Variants in ADGRD2 observed in about 807,000 individuals in gnomAD.
ADGRD2 encodes the protein G protein-coupled receptor PGR24.
Under a neutral mutation model 44.4 loss-of-function variants are expected in ADGRD2, and 71 were observed. The observed-to-expected ratio is 1.60, with a 90% CI of 1.32 to 1.95. ADGRD2 has a LOEUF of 1.95. ADGRD2 is among the 30% of genes most tolerant of loss of function. The probability of loss-of-function intolerance (pLI) is 0.00; values close to 1 mark genes in which losing one functional copy is unlikely to be tolerated. For synonymous variants in ADGRD2, 481 were observed against 224.8 expected, an observed-to-expected ratio of 2.14 and a Z score of -10.19; for missense variants, 1,039 against 512.4, an observed-to-expected ratio of 2.03 and a Z score of -9.92.
Position 124,468,685 on chromosome 9 carries a change from C to G in ADGRD2, c.2387+13C>G. ...GCCACAGGCTGGGGTGAGGCCTGCT[C>G]TGCACCCACACTCTCTTCTCCTCAG... is the stretch of plus-strand genomic sequence containing the variant. On this transcript the variant is annotated intron_variant, in intron 14 of 21. Coordinates refer to ENST00000334810, the Ensembl canonical transcript of ADGRD2. 1.4e-6 allele frequency: 1 copy of G among 709,168 alleles called. No individual in the cohort carries two copies. The allele number at this position is 709,168 out of a possible 1,614,324, so 43.9% of individuals were successfully genotyped here.
chr9:124,454,818 G>C lies in ADGRD2; in HGVS notation c.1109-25G>C. On this transcript the variant is annotated intron_variant, in intron 5 of 21. Transcript: ENST00000334810. This position sits in a 1 kb window ranked among gnomAD's most constrained non-coding sequence, Gnocchi z 4.5. Reference sequence around the variant, plus strand: ...GATCCCCTCATAACAACCAGACCCAGAGTCAGTGGCTCCTCTGTCCACAGC... The same window carrying C: ...GATCCCCTCATAACAACCAGACCCACAGTCAGTGGCTCCTCTGTCCACAGC... 3.0e-6 allele frequency: 2 copies of C among 670,036 alleles called. No individual in the cohort carries two copies. Among genetic ancestry groups the C allele is most frequent in the Non-Finnish European group, 5.5e-6 (2 of 363,900 alleles). 41.5% of individuals were successfully genotyped at this position (670,036 alleles called of 1,614,324 possible). A position where few individuals can be genotyped will look rare whatever the true frequency, so the allele number is the denominator to read the frequency against.
chr9:124,475,280 G>GC (rs1301977062), intron 17 of ADGRD2, among the ~76,000 whole-genome samples, 166 bp from the exon 21 acceptor site: 1 of 152,220 alleles, frequency 6.6e-6, no homozygotes, highest in Non-Finnish European at 1.5e-5. Context: ...CTACTCCTCC[G>GC]CAGGCGGGCA....
At chr9:124,467,674 G>T (rs1420280637) in intron 11 of ADGRD2, 47 bp from the exon 15 acceptor site, 2 of 715,618 alleles carry the variant, frequency 2.8e-6, no homozygotes. Flanking sequence ...TCTGGCCTGG[G>T]TTGGGTCTGG....
intron 17 of ADGRD2, among the ~76,000 whole-genome samples, chr9:124,471,543 A>C (rs2131256812): frequency 6.6e-6 from 1 of 152,284 alleles, no homozygotes; most frequent in South Asian, 2.1e-4. Flanking sequence ...GTATCTCCCA[A>C]TAAGCCTTGT....
At chr9:124,468,872 T>C (rs1390409852) in intron 14 of ADGRD2, among the ~76,000 whole-genome samples, 200 bp downstream of exon 17, 1 of 151,654 alleles carries the variant, frequency 6.6e-6, no homozygotes, top group Non-Finnish European at 1.5e-5. Flanking sequence ...TCTATTAACC[T>C]CCAATTTACC....
At chr9:124,457,330 C>G (rs1588601346) in intron 7 of ADGRD2, 142 bp from the exon 11 acceptor site, 1 of 436,310 alleles carries the variant, frequency 2.3e-6, no homozygotes, top group East Asian at 3.3e-5. Flanking sequence ...TTGCCTTGGG[C>G]AAGTTGCTGA....
At chr9:124,467,499 C>T (rs1055322120) in intron 11 of ADGRD2, among the ~76,000 whole-genome samples, 1 of 152,146 alleles carries the variant, frequency 6.6e-6, no homozygotes, top group Non-Finnish European at 1.5e-5. Flanking sequence ...TGGTAGAATC[C>T]GGGCCAGTTG....
chr9:124,462,830 G>C (rs1588604100), intron 10 of ADGRD2, among the ~76,000 whole-genome samples: 1 of 152,002 alleles, frequency 6.6e-6, no homozygotes, highest in Non-Finnish European at 1.5e-5. Context: ...TGCTCATGTT[G>C]TCTGCCAATA....
chr9:124,467,340 CAAAAAAAAAAAAAAAA>C (rs59651695), intron 11 of ADGRD2: 3 of 104,800 alleles, frequency 2.9e-5, no homozygotes, highest in African/African-American at 1.1e-4. Context: ...CTTGAAGCAA[CAAAAAAAAAAAAAAAA>C]AAAAAAAAGT....
intron 10 of ADGRD2, among the ~76,000 whole-genome samples, chr9:124,459,267 G>T (rs1293918806): frequency 6.6e-6 from 1 of 152,142 alleles, no homozygotes; most frequent in African/African-American, 2.4e-5. Context: ...CGAGGCGGGC[G>T]GATCACTTGA....
chr9:124,467,256 C>G (rs1389532928), intron 11 of ADGRD2: 1 of 154,766 alleles, frequency 6.5e-6, no homozygotes, highest in Non-Finnish European at 1.4e-5. Flanking sequence ...TCACTTGAAC[C>G]CAGGAGGCGG....
chr9:124,452,956 C>T (rs1831519280), intron 2 of ADGRD2, 79 bp from the exon 6 acceptor site: 1 of 605,768 alleles, frequency 1.7e-6, no homozygotes, highest in Admixed American at 2.9e-5. Flanking sequence ...GGAAGGACCC[C>T]ACCGCTGAGC....
At chr9:124,470,598 G>T (rs1173231301) in exon 17 of ADGRD2, 11 of 707,276 alleles carry the variant, frequency 1.6e-5, no homozygotes, top group South Asian at 1.5e-4. Flanking sequence ...GCTGCCGTGG[G>T]CCTCAACTCC....
Position 124,468,681 on chromosome 9 carries a change from TGC to T in ADGRD2, c.2387+10_2387+11del. Reference sequence around the variant, plus strand: ...CCACGCCACAGGCTGGGGTGAGGCCTGCTCTGCACCCACACTCTCTTCTCCTC... The same window carrying T: ...CCACGCCACAGGCTGGGGTGAGGCCTTCTGCACCCACACTCTCTTCTCCTC... On this transcript the variant is annotated intron_variant, in intron 14 of 21. Transcript: ENST00000334810. 1 of 710,972 alleles carries T rather than the reference TGC, an allele frequency of 1.4e-6. No individual in the cohort carries two copies. The allele number at this position is 710,972 out of a possible 1,614,324, so 44.0% of individuals were successfully genotyped here.
intron 13 of ADGRD2, 147 bp downstream of exon 16, chr9:124,468,337 G>T (rs188199924): frequency 1.6e-5 from 11 of 674,146 alleles, no homozygotes; most frequent in East Asian, 1.3e-4. Flanking sequence ...GCAGGGCCCC[G>T]GGAGGAAAGG....
At chr9:124,473,317 G>T (rs1164947639) in intron 17 of ADGRD2, among the ~76,000 whole-genome samples, 1 of 152,206 alleles carries the variant, frequency 6.6e-6, no homozygotes, top group Non-Finnish European at 1.5e-5. Context: ...TTGTGTCAAG[G>T]GAGAGCAAAG....
At chr9:124,456,056 C>G (rs1831610231) in intron 6 of ADGRD2, among the ~76,000 whole-genome samples, 1 of 152,180 alleles carries the variant, frequency 6.6e-6, no homozygotes, top group Non-Finnish European at 1.5e-5. Context: ...AGTGTGCAAG[C>G]CCATAGTTGA....
At chr9:124,453,728 C>T (rs1181783725) in intron 3 of ADGRD2, 52 bp downstream of exon 6, 6 of 583,668 alleles carry the variant, frequency 1.0e-5, no homozygotes, top group Non-Finnish European at 1.9e-5. Context: ...TCCTTCCCTT[C>T]CGACCCTGGA....
rs776509054 is a variant in ADGRD2 at position 124,468,220 on chromosome 9, C to T, written c.2233+30C>T. 58 of 717,900 alleles carry T rather than the reference C, an allele frequency of 8.1e-5. No homozygotes were observed. In the Middle Eastern group the frequency reaches 1.1e-3, roughly 14 times the overall value. 44.5% of individuals were successfully genotyped at this position (717,900 alleles called of 1,614,324 possible). Reference sequence around the variant, plus strand: ...GCAGCCAGTGGGTGGGCTGGAAGCCCGGGGAAGCCTGGGAAAGTGCCTGTG... The same window carrying T: ...GCAGCCAGTGGGTGGGCTGGAAGCCTGGGGAAGCCTGGGAAAGTGCCTGTG... On this transcript the variant is annotated intron_variant, in intron 13 of 21. Coordinates refer to ENST00000334810, the Ensembl canonical transcript of ADGRD2.
Sources: gnomAD v4.1 joint callset for allele counts (sites outside exome capture counted in the v4.1 genomes callset) on GRCh38, gnomAD v4.1.1 for gene constraint, Gnocchi (gnomAD v3.1) non-coding constraint, MANE v1.5 for transcripts, NCBI Gene and HGNC (gene_info 2026-07-23, HGNC 2026-07-21) for gene names.